SYT1: variants seen among roughly 807,000 people sequenced by gnomAD.
SYT1 encodes the protein synaptotagmin-1.
Under a neutral mutation model 44.8 loss-of-function variants are expected in SYT1, and 8 were observed. The observed-to-expected ratio is 0.18, with a 90% CI of 0.10 to 0.32. SYT1 has a LOEUF of 0.32. Among genes scored for constraint, SYT1 ranks in the 10% least tolerant of loss-of-function variants. The pLI, the probability that SYT1 is intolerant of heterozygous loss-of-function variation, is 1.00. For missense variants in SYT1, 286 were observed against 509.3 expected (o/e 0.56, Z 4.22); for synonymous variants, 154 against 188.8 (o/e 0.82, Z 1.51).
intron 3 of SYT1, among the ~76,000 whole-genome samples, chr12:79,061,212 A>G (rs1416973867): frequency 6.6e-6 from 1 of 152,100 alleles, no homozygotes; most frequent in Non-Finnish European, 1.5e-5. Flanking sequence ...CCTTAAGTCA[A>G]TAAGAAGGAA....
intron 8 of SYT1, among the ~76,000 whole-genome samples, chr12:79,337,834 C>G (rs182966927): frequency 1.3e-5 from 2 of 152,308 alleles, no homozygotes; most frequent in East Asian, 3.9e-4. Flanking sequence ...TTCAAAATTA[C>G]TTGGTATCCA....
chr12:79,234,132 G>C (rs1876036438), intron 4 of SYT1, among the ~76,000 whole-genome samples: 1 of 151,974 alleles, frequency 6.6e-6, no homozygotes, highest in Admixed American at 6.6e-5. Flanking sequence ...TTGCCTACAG[G>C]TGGGTACTCT....
intron 2 of SYT1, among the ~76,000 whole-genome samples, chr12:78,988,697 T>C (rs1231947934): frequency 5.9e-5 from 9 of 152,036 alleles, no homozygotes; most frequent in Admixed American, 5.9e-4. Flanking sequence ...GAGATTTAGA[T>C]GGAAATCAAA....
chr12:79,145,440 T>C (rs1190570579), intron 3 of SYT1, among the ~76,000 whole-genome samples: 1 of 152,184 alleles, frequency 6.6e-6, no homozygotes, highest in Admixed American at 6.5e-5. Context: ...TGATTCTTTC[T>C]ATGACTTTAA....
At chr12:79,284,007 CT>C (rs1879179704) in intron 4 of SYT1, among the ~76,000 whole-genome samples, 1 of 151,782 alleles carries the variant, frequency 6.6e-6, no homozygotes. Context: ...AGTGTTTTTA[CT>C]TTATCAAAGT....
chr12:79,366,941 TGTGTG>T (rs1447957208), intron 9 of SYT1, among the ~76,000 whole-genome samples: 7 of 143,484 alleles, frequency 4.9e-5, no homozygotes, highest in African/African-American at 1.8e-4. Flanking sequence ...TGTGTGTGTG[TGTGTG>T]TTCAAAGAAT....
rs1565713867 is a variant in SYT1, at chr12:78,912,335, T to C, written c.-217+47226T>C. On this transcript the variant is annotated intron_variant, in intron 1 of 10. Coordinates refer to ENST00000261205, the MANE Select transcript of SYT1 (RefSeq NM_005639.3). ...TGAGATAATGATAAATACACTGAAA[T>C]TGCTGAAAAAGAAAGGCTATGTCAG... is the stretch of plus-strand genomic sequence containing the variant. 2.0e-5 allele frequency among the ~76,000 whole-genome samples: 3 copies of C among 151,914 alleles called. No homozygotes were observed. The East Asian group carries it at 5.8e-4, about 30-fold the overall frequency.
intron 4 of SYT1, among the ~76,000 whole-genome samples, chr12:79,235,358 G>A (rs1228119892): frequency 6.6e-6 from 1 of 151,842 alleles, no homozygotes; most frequent in Non-Finnish European, 1.5e-5. Flanking sequence ...AACTCACAAT[G>A]GATTGTAGAC....
chr12:79,251,065 C>T (rs2138692656), intron 4 of SYT1, among the ~76,000 whole-genome samples: 1 of 152,274 alleles, frequency 6.6e-6, no homozygotes, highest in South Asian at 2.1e-4. Context: ...TTCTACCCTT[C>T]TGTTGCCTTT....
At chr12:79,430,739 T>C (rs553280392) in intron 9 of SYT1, among the ~76,000 whole-genome samples, 1 of 152,348 alleles carries the variant, frequency 6.6e-6, no homozygotes, top group South Asian at 2.1e-4. Flanking sequence ...TGAGCCATGA[T>C]TGTGCCACTG....
chr12:79,037,257 AG>A (rs1366964394), intron 2 of SYT1, among the ~76,000 whole-genome samples: 2 of 150,340 alleles, frequency 1.3e-5, no homozygotes, highest in African/African-American at 4.9e-5. Context: ...AACTTCCCCA[AG>A]CTTCTCATTT....
At chr12:78,870,100 T>A (rs924926334) in intron 1 of SYT1, among the ~76,000 whole-genome samples, 2 of 152,036 alleles carry the variant, frequency 1.3e-5, no homozygotes, top group African/African-American at 2.4e-5. Context: ...TATAAACTAG[T>A]GTAAGAATTC....
chr12:78,933,757 C>A (rs1290089335), intron 1 of SYT1, among the ~76,000 whole-genome samples: 2 of 152,076 alleles, frequency 1.3e-5, no homozygotes, highest in East Asian at 3.9e-4. Context: ...AGCATAAATT[C>A]TACAGGCCAA....
chr12:79,286,078 C>A (rs1879301217), intron 5 of SYT1, 107 bp downstream of exon 5: 5 of 1,250,948 alleles, frequency 4.0e-6, no homozygotes, highest in South Asian at 1.6e-5. Flanking sequence ...GGACCCATAT[C>A]GTTTTTGAGA....
chr12:78,908,025 T>C (rs1385276307), intron 1 of SYT1, among the ~76,000 whole-genome samples: 2 of 152,034 alleles, frequency 1.3e-5, no homozygotes, highest in East Asian at 3.9e-4. Context: ...ACTGAAAGTA[T>C]GCAAATTTTG....
intron 4 of SYT1, among the ~76,000 whole-genome samples, chr12:79,244,312 T>G (rs1413842704): frequency 6.6e-6 from 1 of 152,238 alleles, no homozygotes; most frequent in Non-Finnish European, 1.5e-5. Context: ...CTCAAGAACT[T>G]TCCACATGAT....
chr12:79,172,422 A>G (rs537094332), intron 3 of SYT1, among the ~76,000 whole-genome samples: 1 of 152,166 alleles, frequency 6.6e-6, no homozygotes, highest in South Asian at 2.1e-4. Context: ...TGAAGATGCT[A>G]TCTGAATAGT....
At chr12:79,382,903 A>T (rs1204978033) in intron 9 of SYT1, among the ~76,000 whole-genome samples, 1 of 152,228 alleles carries the variant, frequency 6.6e-6, no homozygotes, top group East Asian at 1.9e-4. Flanking sequence ...TACAACATAA[A>T]CTTTTCTCCC....
chr12:78,874,074 A>C (rs1466199988), intron 1 of SYT1, among the ~76,000 whole-genome samples: 1 of 151,628 alleles, frequency 6.6e-6, no homozygotes, highest in African/African-American at 2.4e-5. Flanking sequence ...GTTTCTTACA[A>C]TATGTCAGGC....
Sources: allele counts gnomAD v4.1 joint callset (sites outside exome capture counted in the v4.1 genomes callset), GRCh38; gene constraint gnomAD v4.1.1; transcripts MANE v1.5; gene names NCBI Gene and HGNC (gene_info 2026-07-23, HGNC 2026-07-21).